Variants in MUC7 observed in about 807,000 individuals in gnomAD.
MUC7 encodes mucin 7, secreted.
MUC7 carries 2 observed loss-of-function variants against 2.5 expected under a neutral mutation model. The ratio of observed to expected loss-of-function variants is 0.81; its 90% CI spans 0.33 to 2.55. The LOEUF (loss-of-function observed/expected upper bound fraction) is 2.55, where lower values mean the gene tolerates loss of function less well. Among genes scored for constraint, MUC7 ranks in the 30% most tolerant of loss-of-function variants. MUC7 has a pLI of 0.11. For synonymous variants in MUC7, 133 were observed against 173.4 expected (o/e 0.77, Z 1.83); for missense variants, 408 against 455.6 (o/e 0.90, Z 0.95).
chr4:70,470,402 T>C (rs1042649243), upstream of MUC7, among the ~76,000 whole-genome samples: 3 of 152,282 alleles, frequency 2.0e-5, no homozygotes, highest in African/African-American at 7.2e-5. Flanking sequence ...GAGAATATAA[T>C]TTTTAAAAAA....
chr4:70,432,605 A>C (rs955005428), intron 1 of MUC7, among the ~76,000 whole-genome samples: 4 of 151,832 alleles, frequency 2.6e-5, no homozygotes, highest in Admixed American at 6.6e-5. Context: ...TTTTCTTGTA[A>C]ATTTGTTTAA....
intron 1 of MUC7, among the ~76,000 whole-genome samples, chr4:70,473,262 G>T (rs41355847): frequency 0.074 from 11,293 of 151,924 alleles, 638 homozygotes; most frequent in East Asian, 0.2. Context: ...CAGTGAAACC[G>T]TGTCTCTACA....
chr4:70,473,307 G>A (rs1402864836), intron 1 of MUC7, among the ~76,000 whole-genome samples: 2 of 151,972 alleles, frequency 1.3e-5, no homozygotes, highest in African/African-American at 2.4e-5. Context: ...AGCCAGGAGC[G>A]GTGGTGCATG....
intron 1 of MUC7, among the ~76,000 whole-genome samples, chr4:70,453,341 C>T (rs62322549): frequency 0.28 from 42,194 of 152,158 alleles, 6,137 homozygotes; most frequent in East Asian, 0.4. Context: ...ACTCAAACCA[C>T]GAAATGCAGT....
At chr4:70,443,206 A>C (rs1445392693) in intron 1 of MUC7, among the ~76,000 whole-genome samples, 2 of 151,868 alleles carry the variant, frequency 1.3e-5, no homozygotes, top group East Asian at 3.9e-4. Flanking sequence ...TCAAATCAAA[A>C]TTAAGCCAAA....
chr4:70,443,517 A>G lies in MUC7; in HGVS notation c.-93+12830A>G, dbSNP rs190882646. Among the ~76,000 whole-genome samples the G allele has an allele frequency of 5.8e-3, 885 of 152,280 alleles. 3 individuals are homozygous for G. The highest frequency in any genetic ancestry group is 9.0e-3 in the Non-Finnish European group (611 of 68,016). On this transcript the variant is annotated intron_variant, in intron 1 of 3. Coordinates refer to the MUC7 transcript ENST00000413702. The stretch of plus-strand genomic sequence containing the variant: ...AGTACCAACAAGCAACAAAACCCAT[A>G]TCAACCTAAACCTGTTTCATTTTCG...
rs749987052 is a variant in MUC7, at chr4:70,480,801, C to T, written c.57C>T (p.Phe19=). 44 of 1,611,682 alleles carry T rather than the reference C, an allele frequency of 2.7e-5. No homozygotes were observed. The Admixed American group carries it at 7.0e-4, about 26-fold the overall frequency. ...TACATTTTCTTTCTTTTCTGCAGTT[C>T]AGTGAAGGTCGAGAAAGGGATCATG... is the stretch of plus-strand genomic sequence containing the variant. ...CICALSACFS[F]SEGRERDHEL... is the part of the protein sequence containing the mutation. The change falls in exon 3 of 3, where the codon TTC becomes TTT. Residue 19 remains phenylalanine (F), a splice_region_variant and synonymous_variant. Transcript: ENST00000304887.
chr4:70,435,299 G>T (rs901416535), intron 1 of MUC7, among the ~76,000 whole-genome samples: 28 of 152,220 alleles, frequency 1.8e-4, no homozygotes, highest in African/African-American at 6.5e-4. Flanking sequence ...TATTGACAGT[G>T]GGGTATTAAA....
Position 70,466,121 on chromosome 4 carries a change from A to C in MUC7, c.-92-6094A>C, listed in dbSNP as rs1734677481. On this transcript the variant is annotated intron_variant, in intron 1 of 3. Transcript: ENST00000413702. The stretch of plus-strand genomic sequence containing the variant: ...GCCAATATTCAACATTCTTAAAGAA[A>C]AGAATTTTTGACCCAGAATTTCATA... Among the ~76,000 whole-genome samples the C allele has an allele frequency of 2.0e-5, 3 of 152,230 alleles. No homozygotes were observed. In the South Asian group the frequency reaches 6.2e-4, roughly 32 times the overall value.
intron 1 of MUC7, among the ~76,000 whole-genome samples, chr4:70,443,710 C>G (rs1694090713): frequency 1.3e-5 from 2 of 152,030 alleles, no homozygotes; most frequent in South Asian, 4.1e-4. Flanking sequence ...AATAAAACAA[C>G]CTACCCACTC....
At chr4:70,455,669 A>G (rs2109719988) in intron 1 of MUC7, among the ~76,000 whole-genome samples, 1 of 152,304 alleles carries the variant, frequency 6.6e-6, no homozygotes, top group South Asian at 2.1e-4. Flanking sequence ...ATTTATTCTC[A>G]CAGACTCTCT....
chr4:70,453,332 C>T (rs1350618430), intron 1 of MUC7, among the ~76,000 whole-genome samples: 1 of 152,238 alleles, frequency 6.6e-6, no homozygotes, highest in Admixed American at 6.5e-5. Context: ...TAAGATGACA[C>T]TCAAACCACG....
In MUC7 at chr4:70,481,113, T is replaced by C. The variant is rs1272285597; in HGVS notation, c.369T>C (p.Ile123=). 6.2e-7 allele frequency: 1 copy of C among 1,613,966 alleles called. No homozygotes were observed. The highest frequency in any genetic ancestry group is 8.5e-7 in the Non-Finnish European group (1 of 1,180,006). Residue 123 remains isoleucine, a synonymous_variant, in exon 3 of 3, where the codon ATT becomes ATC. Coordinates refer to ENST00000304887, the MANE Select transcript of MUC7 (RefSeq NM_152291.3). ...SVTFPSASTK[I]TTLPNVTFLP... is the part of the protein sequence containing the mutation. ...CTTTCCCATCAGCTTCCACCAAAATTACTACCCTTCCAAATGTGACTTTTC... is the reference window on the plus strand; with the variant it reads ...CTTTCCCATCAGCTTCCACCAAAATCACTACCCTTCCAAATGTGACTTTTC...
intron 2 of MUC7, among the ~76,000 whole-genome samples, chr4:70,476,489 G>A (rs1327021006): frequency 6.6e-6 from 1 of 152,194 alleles, no homozygotes; most frequent in Non-Finnish European, 1.5e-5. Flanking sequence ...TGCCTGGTGA[G>A]AGAAAGAGTT....
intron 1 of MUC7, among the ~76,000 whole-genome samples, chr4:70,444,425 A>G (rs1345550859): frequency 6.6e-6 from 1 of 152,176 alleles, no homozygotes; most frequent in Non-Finnish European, 1.5e-5. Context: ...GAGAGTGACC[A>G]ACACTAGCCT....
At chr4:70,475,369 T>A (rs41440745) in intron 2 of MUC7, among the ~76,000 whole-genome samples, 135 of 152,242 alleles carry the variant, frequency 8.9e-4, no homozygotes, top group African/African-American at 2.9e-3. Context: ...CATCAAGATA[T>A]CAAGAAAACA....
chr4:70,446,103 C>A (rs1412763738), intron 1 of MUC7, among the ~76,000 whole-genome samples: 7 of 152,142 alleles, frequency 4.6e-5, no homozygotes, highest in African/African-American at 1.7e-4. Context: ...TTAGGATCCA[C>A]ATACAGAAGC....
upstream of MUC7, among the ~76,000 whole-genome samples, chr4:70,469,532 A>G (rs2109735564): frequency 6.6e-6 from 1 of 152,374 alleles, no homozygotes; most frequent in South Asian, 2.1e-4. Flanking sequence ...AATATCCAGA[A>G]TCTACAAGGA....
intron 1 of MUC7, among the ~76,000 whole-genome samples, chr4:70,446,637 G>A (rs1479993489): frequency 2.0e-5 from 3 of 152,034 alleles, no homozygotes; most frequent in African/African-American, 7.2e-5. Flanking sequence ...TCCAAATAAG[G>A]CCACATTCTG....
Sources: gnomAD v4.1 joint callset for allele counts (sites outside exome capture counted in the v4.1 genomes callset) on GRCh38, gnomAD v4.1.1 for gene constraint, MANE v1.5 for transcripts, NCBI Gene and HGNC (gene_info 2026-07-23, HGNC 2026-07-21) for gene names.